FNBP1: variants seen among roughly 807,000 people sequenced by gnomAD.
The protein encoded by FNBP1 is formin-binding protein 1.
A neutral mutation model predicts 90.6 loss-of-function variants in FNBP1; 26 were observed. The observed-to-expected ratio is 0.29, with a 90% CI of 0.21 to 0.40. FNBP1 has a LOEUF of 0.40. FNBP1 is among the 10% of genes least tolerant of loss of function. The pLI, the probability that FNBP1 is intolerant of heterozygous loss-of-function variation, is 1.00. For synonymous variants in FNBP1, 260 were observed against 265.2 expected, an observed-to-expected ratio of 0.98 and a Z score of 0.19; for missense variants, 635 against 768.0, an observed-to-expected ratio of 0.83 and a Z score of 2.05.
chr9:130,018,778 A>G (rs568708390), intron 1 of FNBP1, among the ~76,000 whole-genome samples: 14 of 152,326 alleles, frequency 9.2e-5, no homozygotes, highest in Admixed American at 5.9e-4. Flanking sequence ...TGCTTATCAC[A>G]TAAAAAATAA....
At chr9:130,037,582 C>G (rs1057331852) in intron 1 of FNBP1, among the ~76,000 whole-genome samples, 1 of 152,132 alleles carries the variant, frequency 6.6e-6, no homozygotes, top group African/African-American at 2.4e-5. Flanking sequence ...GTACACATAT[C>G]ATGCCTAAGT....
At position 129,981,212 on chromosome 9, in the gene FNBP1, C is replaced by T. The variant is rs570252877; in HGVS notation, c.141-1838G>A. Among the ~76,000 whole-genome samples, 6 of 152,138 alleles carry T rather than the reference C, an allele frequency of 3.9e-5. No homozygotes were observed. The East Asian group carries it at 7.8e-4, about 20-fold the overall frequency. On this transcript the variant is annotated intron_variant, in intron 2 of 16. Coordinates refer to ENST00000446176, the MANE Select transcript of FNBP1 (RefSeq NM_015033.3). ...CAAGTGATTCTCCTGCCTCGCCTCC[C>T]GAGTACCTGGGATTGCAGGCATACA...
chr9:130,040,551 G>A (rs1351595651), intron 1 of FNBP1, among the ~76,000 whole-genome samples: 2 of 150,062 alleles, frequency 1.3e-5, no homozygotes, highest in Non-Finnish European at 2.9e-5. Context: ...AACCTGGGAG[G>A]CAGAGGCTGC....
intron 6 of FNBP1, among the ~76,000 whole-genome samples, chr9:129,930,302 A>T (rs2042547705): frequency 6.6e-6 from 1 of 151,990 alleles, no homozygotes; most frequent in South Asian, 2.1e-4. Context: ...GACTCAAGCA[A>T]TCCACCCGCC....
intron 16 of FNBP1, chr9:129,895,366 A>C: frequency 9.3e-7 from 1 of 1,074,322 alleles, no homozygotes; most frequent in Non-Finnish European, 1.1e-6. Flanking sequence ...TTAACAAACT[A>C]ACACAGTTCA....
At chr9:130,011,470 C>T (rs2056598471) in intron 1 of FNBP1, among the ~76,000 whole-genome samples, 1 of 151,734 alleles carries the variant, frequency 6.6e-6, no homozygotes, top group Non-Finnish European at 1.5e-5. Context: ...GAGCTGGTGC[C>T]TATGGGAACT....
chr9:129,974,161 T>A (rs532224739), intron 4 of FNBP1, among the ~76,000 whole-genome samples: 74 of 151,262 alleles, frequency 4.9e-4, no homozygotes, highest in African/African-American at 1.7e-3. Flanking sequence ...GATGAGGATG[T>A]TCATACTGTT....
chr9:129,942,219 C>T (rs945463250), intron 6 of FNBP1, among the ~76,000 whole-genome samples: 3 of 152,116 alleles, frequency 2.0e-5, no homozygotes, highest in African/African-American at 7.2e-5. Flanking sequence ...TTACCAGTCA[C>T]AAACTCTCAT....
intron 6 of FNBP1, among the ~76,000 whole-genome samples, chr9:129,947,999 AAG>A (rs2045591774): frequency 6.6e-6 from 1 of 151,538 alleles, no homozygotes; most frequent in East Asian, 1.9e-4. Flanking sequence ...AAAAAAAAAA[AAG>A]GAGGGGGGCA....
intron 1 of FNBP1, among the ~76,000 whole-genome samples, chr9:130,002,344 C>T (rs374485843): frequency 1.7e-4 from 26 of 152,268 alleles, no homozygotes; most frequent in African/African-American, 6.3e-4. Flanking sequence ...CCCCCTCAAA[C>T]TTCATGTTGA....
At chr9:130,034,103 C>T (rs2059076301) in intron 1 of FNBP1, among the ~76,000 whole-genome samples, 2 of 151,388 alleles carry the variant, frequency 1.3e-5, no homozygotes, top group African/African-American at 4.9e-5. Context: ...AGGTAGATCA[C>T]GAGGTCAGGA....
At chr9:129,975,910 A>AG (rs59381239) in intron 4 of FNBP1, among the ~76,000 whole-genome samples, 3,404 of 150,144 alleles carry the variant, frequency 0.023, 102 homozygotes, top group African/African-American at 0.076. Flanking sequence ...CTTAAAAAAA[A>AG]AAAAAAAAAA....
At chr9:129,926,247 C>T (rs898391619) in intron 8 of FNBP1, among the ~76,000 whole-genome samples, 1 of 152,202 alleles carries the variant, frequency 6.6e-6, no homozygotes, top group African/African-American at 2.4e-5. Context: ...GCTGGGATTA[C>T]AAATGTGAGC....
At chr9:129,897,378 T>A (rs1056444004) in intron 15 of FNBP1, among the ~76,000 whole-genome samples, 1 of 152,016 alleles carries the variant, frequency 6.6e-6, no homozygotes, top group African/African-American at 2.4e-5. Context: ...TGGGGGATGG[T>A]TGGAATATGA....
intron 4 of FNBP1, among the ~76,000 whole-genome samples, chr9:129,969,714 A>G (rs896967637): frequency 1.3e-5 from 2 of 152,068 alleles, no homozygotes; most frequent in African/African-American, 4.8e-5. Flanking sequence ...GTTCAAGACC[A>G]GCCTGGGCAA....
At chr9:129,906,261 G>A (rs1333547379) in intron 12 of FNBP1, among the ~76,000 whole-genome samples, 2 of 152,256 alleles carry the variant, frequency 1.3e-5, no homozygotes, top group Admixed American at 1.3e-4. Flanking sequence ...CATTTCCTTT[G>A]ATATTTATTG....
chr9:129,922,329 T>A (rs1292504797), intron 10 of FNBP1, among the ~76,000 whole-genome samples: 1 of 152,216 alleles, frequency 6.6e-6, no homozygotes, highest in African/African-American at 2.4e-5. Context: ...CGCACATCAA[T>A]CTTAATGAGG....
At chr9:129,995,090 G>A in intron 1 of FNBP1, 132 bp from the exon 2 acceptor site, 4 of 609,414 alleles carry the variant, frequency 6.6e-6, no homozygotes, top group South Asian at 6.0e-5. Flanking sequence ...TACTTGGGGT[G>A]CTTTTTTGTT....
In FNBP1 at chr9:130,041,023, G is replaced by A. The variant is rs570707959; in HGVS notation, c.24+1929C>T. On this transcript the variant is annotated intron_variant, in intron 1 of 16. Transcript: ENST00000446176. The surrounding 1 kb of genome is among the most constrained non-coding windows in gnomAD (Gnocchi z 4.3). ...TCTTTTCTTTTTTTTTTTTTTAAGA[G>A]GAGGCCTCTCCAGATATTCCCCAAG... Among the ~76,000 whole-genome samples, 8 of 140,446 alleles carry A rather than the reference G, an allele frequency of 5.7e-5. 1 individual carries two copies. The highest frequency in any genetic ancestry group is 2.1e-4 in the African/African-American group (8 of 37,864). The allele number at this position is 140,446 out of a possible 152,430, so 92.1% of individuals were successfully genotyped here. A position where few individuals can be genotyped will look rare whatever the true frequency, so the allele number is the denominator to read the frequency against.
Sources: allele counts gnomAD v4.1 joint callset (sites outside exome capture counted in the v4.1 genomes callset), GRCh38; gene constraint gnomAD v4.1.1; non-coding constraint Gnocchi (gnomAD v3.1); transcripts MANE v1.5; gene names NCBI Gene and HGNC (gene_info 2026-07-23, HGNC 2026-07-21).